LRRTM3: variants seen among roughly 807,000 people sequenced by gnomAD.
LRRTM3 encodes leucine-rich repeat transmembrane neuronal protein 3.
A neutral mutation model predicts 44.7 loss-of-function variants in LRRTM3; 24 were observed. That is an observed-to-expected ratio of 0.54 (90% CI 0.39 to 0.76). The LOEUF is 0.76. Ranked by LOEUF, LRRTM3 falls within the 30% of genes least tolerant of loss-of-function variation. The pLI is 0.00. For synonymous variants in LRRTM3, 277 were observed against 278.7 expected, an observed-to-expected ratio of 0.99 and a Z score of 0.06; for missense variants, 587 against 702.2, an observed-to-expected ratio of 0.84 and a Z score of 1.85.
intron 2 of LRRTM3, among the ~76,000 whole-genome samples, chr10:67,040,617 T>C (rs1277923805): frequency 6.6e-6 from 1 of 152,138 alleles, no homozygotes; most frequent in Admixed American, 6.6e-5. Context: ...TATGTGTCTA[T>C]ATTTTTTAAA....
chr10:67,025,669 A>G (rs1853325027), intron 2 of LRRTM3, among the ~76,000 whole-genome samples: 1 of 152,172 alleles, frequency 6.6e-6, no homozygotes, highest in South Asian at 2.1e-4. Flanking sequence ...AGTACTATAT[A>G]AGTACTATAT....
intron 2 of LRRTM3, among the ~76,000 whole-genome samples, chr10:66,969,870 T>G (rs1428363197): frequency 3.3e-5 from 5 of 151,922 alleles, no homozygotes; most frequent in Non-Finnish European, 7.4e-5. Context: ...ACATGGAGAG[T>G]ATCTGTAACT....
chr10:67,056,851 G>T (rs1484730069), intron 2 of LRRTM3, among the ~76,000 whole-genome samples: 1 of 152,176 alleles, frequency 6.6e-6, no homozygotes, highest in Non-Finnish European at 1.5e-5. Flanking sequence ...ATCACCTCAG[G>T]AAGGTGCATA....
At chr10:66,990,569 T>C (rs1455592773) in intron 2 of LRRTM3, among the ~76,000 whole-genome samples, 2 of 152,154 alleles carry the variant, frequency 1.3e-5, no homozygotes, top group African/African-American at 4.8e-5. Context: ...AATACCCACA[T>C]TTAGCATTCA....
At chr10:66,989,529 G>T (rs2132927116) in intron 2 of LRRTM3, among the ~76,000 whole-genome samples, 1 of 152,226 alleles carries the variant, frequency 6.6e-6, no homozygotes, top group South Asian at 2.1e-4. Flanking sequence ...TTGGTCATGT[G>T]GGATTAGCCT....
At position 67,099,572 on chromosome 10, in the gene LRRTM3, C is replaced by T. The variant is rs766303481; in HGVS notation, c.*1776C>T. Reference sequence around the variant, plus strand: ...AGGTTTGTCACAGCAAATGTAAAAGCGGATTCAAGAAGAATGAACTTAAAA... The same window carrying T: ...AGGTTTGTCACAGCAAATGTAAAAGTGGATTCAAGAAGAATGAACTTAAAA... On this transcript the variant is annotated 3_prime_UTR_variant, in exon 3 of 3. Transcript: ENST00000361320. 6.6e-6 allele frequency: 1 copy of T among 151,858 alleles called. No individual in the cohort carries two copies. The highest frequency in any genetic ancestry group is 2.1e-4 in the South Asian group (1 of 4,810). 9.4% of individuals were successfully genotyped at this position (151,858 alleles called of 1,614,324 possible). A position where few individuals can be genotyped will look rare whatever the true frequency, so the allele number is the denominator to read the frequency against.
intron 2 of LRRTM3, among the ~76,000 whole-genome samples, chr10:67,005,264 C>T (rs1385412111): frequency 6.6e-6 from 1 of 152,008 alleles, no homozygotes; most frequent in African/African-American, 2.4e-5. Context: ...AAAACTCTGC[C>T]CCTTACTAAT....
intron 2 of LRRTM3, among the ~76,000 whole-genome samples, chr10:66,997,953 C>T (rs1851450996): frequency 6.6e-6 from 1 of 152,160 alleles, no homozygotes; most frequent in Non-Finnish European, 1.5e-5. Flanking sequence ...TTCAAGTTCA[C>T]TACCACTGCT....
rs146328182 is a variant in LRRTM3, at chr10:67,040,825, A to C, written c.1537-56762A>C. 3.9e-4 allele frequency among the ~76,000 whole-genome samples: 59 copies of C among 152,230 alleles called. No homozygotes were observed. The East Asian group carries it at 8.7e-3, about 22-fold the overall frequency. ...ATTATACCACATGATGTTAAATTAT[A>C]AGCACACATCAGTTCAACCTAGCAA... On this transcript the variant is annotated intron_variant, in intron 2 of 2. Coordinates refer to ENST00000361320, the MANE Select transcript of LRRTM3 (RefSeq NM_178011.5).
At chr10:67,049,473 A>T (rs1415708856) in intron 2 of LRRTM3, among the ~76,000 whole-genome samples, 1 of 152,200 alleles carries the variant, frequency 6.6e-6, no homozygotes, top group Non-Finnish European at 1.5e-5. Flanking sequence ...TGACTCTAAG[A>T]ATATACATAT....
chr10:67,056,161 A>G (rs1376925704), intron 2 of LRRTM3, among the ~76,000 whole-genome samples: 1 of 152,184 alleles, frequency 6.6e-6, no homozygotes, highest in Non-Finnish European at 1.5e-5. Flanking sequence ...TCGCCCATTC[A>G]TGGAATTTAT....
At chr10:67,021,050 CTT>C (rs1328564997) in intron 2 of LRRTM3, among the ~76,000 whole-genome samples, 2 of 152,116 alleles carry the variant, frequency 1.3e-5, no homozygotes, top group Non-Finnish European at 2.9e-5. Context: ...TAAAACTTCT[CTT>C]TGTTTCATTT....
At chr10:66,949,229 T>C (rs886939377) in intron 2 of LRRTM3, among the ~76,000 whole-genome samples, 1 of 152,192 alleles carries the variant, frequency 6.6e-6, no homozygotes, top group African/African-American at 2.4e-5. Context: ...CTATCAGTTG[T>C]GGAAATATTA....
rs1847140801 is a variant in LRRTM3 at position 66,927,409 on chromosome 10, C to G, written c.493C>G (p.Arg165Gly). 6.2e-7 allele frequency: 1 copy of G among 1,614,036 alleles called. No homozygotes were observed. Reference sequence around the variant, plus strand: ...GCGGAAGCTGCTGAGTTTACATTTACGGTCTAACTCCCTGAGAACCATCCC... The same window carrying G: ...GCGGAAGCTGCTGAGTTTACATTTAGGGTCTAACTCCCTGAGAACCATCCC... ...GLRKLLSLHLRSNSLRTIPVR... is the reference protein window; with the variant it reads ...GLRKLLSLHLGSNSLRTIPVR... Residue 165 changes from arginine to glycine, a missense_variant, in exon 2 of 3, where the codon CGG (arginine) becomes GGG (glycine). Around this residue, in one of 3 missense-constraint regions of LRRTM3, gnomAD observed 222 missense variants for 323.3 expected, o/e 0.69. Coordinates refer to ENST00000361320, the MANE Select transcript of LRRTM3 (RefSeq NM_178011.5). This position sits in a 1 kb window ranked among gnomAD's most constrained non-coding sequence, Gnocchi z 4.7.
intron 2 of LRRTM3, among the ~76,000 whole-genome samples, chr10:67,005,021 G>A (rs1851889778): frequency 6.6e-6 from 1 of 151,720 alleles, no homozygotes; most frequent in African/African-American, 2.4e-5. Flanking sequence ...TAGTTTCATA[G>A]AGATAATCAC....
chr10:66,995,537 A>G (rs570768255), intron 2 of LRRTM3, among the ~76,000 whole-genome samples: 1 of 152,296 alleles, frequency 6.6e-6, no homozygotes, highest in African/African-American at 2.4e-5. Context: ...CCTGTTTAAT[A>G]CCTTTCAAAG....
At chr10:67,049,215 A>T (rs960179825) in intron 2 of LRRTM3, among the ~76,000 whole-genome samples, 3 of 152,084 alleles carry the variant, frequency 2.0e-5, no homozygotes, top group Non-Finnish European at 2.9e-5. Context: ...TAGAAACAGG[A>T]GGCAGGGTCA....
chr10:66,936,628 G>A (rs971932557), intron 2 of LRRTM3, among the ~76,000 whole-genome samples: 2 of 152,030 alleles, frequency 1.3e-5, no homozygotes, highest in African/African-American at 2.4e-5. Flanking sequence ...TGGAGTCATC[G>A]GACAGATGGA....
At chr10:67,075,484 G>T (rs917318993) in intron 2 of LRRTM3, among the ~76,000 whole-genome samples, 2 of 152,152 alleles carry the variant, frequency 1.3e-5, no homozygotes, top group African/African-American at 4.8e-5. Flanking sequence ...ATGGAAAAGA[G>T]ATAAGAAAGG....
Sources: gnomAD v4.1 joint callset for allele counts (sites outside exome capture counted in the v4.1 genomes callset) on GRCh38, gnomAD v4.1.1 for gene constraint, gnomAD v4.1.1 regional missense constraint, Gnocchi (gnomAD v3.1) non-coding constraint, MANE v1.5 for transcripts, NCBI Gene and HGNC (gene_info 2026-07-23, HGNC 2026-07-21) for gene names.